SYNE1: variants seen among roughly 807,000 people sequenced by gnomAD.
SYNE1 encodes the protein spectrin repeat containing nuclear envelope protein 1, also known as nesprin-1.
Under a neutral mutation model 1,111.0 loss-of-function variants are expected in SYNE1, and 616 were observed. That is an observed-to-expected ratio of 0.55 (90% CI 0.52 to 0.59). SYNE1 has a LOEUF of 0.59. Ranked by LOEUF, SYNE1 falls within the 20% of genes least tolerant of loss-of-function variation. SYNE1 has a pLI of 0.00. For missense variants in SYNE1, 10,006 were observed against 10,417.0 expected (o/e 0.96, Z 1.72); for synonymous variants, 3,855 against 3,825.8 (o/e 1.01, Z -0.28).
At chr6:152,154,775 G>A (rs943364380) in intron 133 of SYNE1, 117 bp downstream of exon 133, 58 of 1,172,614 alleles carry the variant, frequency 4.9e-5, no homozygotes, top group African/African-American at 4.4e-4. Flanking sequence ...AAGTCCTCAC[G>A]CAGCAATTTG....
At chr6:152,168,307 C>A in intron 130 of SYNE1, 2 of 604,442 alleles carry the variant, frequency 3.3e-6, no homozygotes, top group Non-Finnish European at 5.9e-6. Context: ...TGAAAATGCT[C>A]ACTGTAGACA....
At chr6:152,563,444 G>GA (rs112181089) in intron 3 of SYNE1, among the ~76,000 whole-genome samples, 3 of 151,600 alleles carry the variant, frequency 2.0e-5, no homozygotes, top group Non-Finnish European at 2.9e-5. Flanking sequence ...CACTTTTGGT[G>GA]AAAAAAAAGA....
intron 9 of SYNE1, among the ~76,000 whole-genome samples, chr6:152,504,329 C>A (rs193267912): frequency 1.2e-3 from 188 of 152,222 alleles, no homozygotes; most frequent in African/African-American, 4.4e-3. Context: ...GGAAACCTAA[C>A]TGGGTCTCTG....
chr6:152,357,495 T>C (rs888725866), intron 66 of SYNE1, among the ~76,000 whole-genome samples: 9 of 152,202 alleles, frequency 5.9e-5, no homozygotes, highest in African/African-American at 9.7e-5. Flanking sequence ...AGTGGTCTCA[T>C]TGGCCTTCCT....
chr6:152,347,698 TA>T lies in SYNE1; in HGVS notation c.11902-464del, dbSNP rs1180159931. Among the ~76,000 whole-genome samples the T allele has an allele frequency of 4.0e-5, 6 of 151,066 alleles. 1 individual carries two copies. Among genetic ancestry groups the T allele is most frequent in the East Asian group, 3.9e-4 (2 of 5,172 alleles). ...TTTGTCATTCTTTTTTTTTTTTTTT[TA>T]AGACAGAGTGTCACTCTGCTGCCCA... On this transcript the variant is annotated intron_variant, in intron 72 of 145. Coordinates refer to ENST00000367255, the MANE Select transcript of SYNE1 (RefSeq NM_182961.4).
intron 16 of SYNE1, 56 bp from the exon 17 acceptor site, chr6:152,466,134 A>G (rs2098765635): frequency 5.1e-6 from 6 of 1,166,904 alleles, no homozygotes; most frequent in Non-Finnish European, 7.7e-6. Flanking sequence ...GTAGAATGCC[A>G]AAGTCAATTT....
At chr6:152,133,527 T>C in intron 142 of SYNE1, 39 bp from the exon 143 acceptor site, 6 of 1,598,872 alleles carry the variant, frequency 3.8e-6, no homozygotes, top group Non-Finnish European at 5.1e-6. Flanking sequence ...CTAAGCATTT[T>C]TGATAATTGG....
intron 142 of SYNE1, 142 bp from the exon 143 acceptor site, chr6:152,133,630 A>G (rs1320762147): frequency 3.7e-6 from 3 of 818,182 alleles, no homozygotes; most frequent in Non-Finnish European, 6.0e-6. Context: ...TAAAGGATGC[A>G]GCAGCTCACG....
At chr6:152,341,643 C>T (rs769392930) in intron 74 of SYNE1, among the ~76,000 whole-genome samples, 8 of 152,120 alleles carry the variant, frequency 5.3e-5, no homozygotes, top group Non-Finnish European at 1.0e-4. Context: ...ATCTTGGTAC[C>T]ATGCCCATTG....
At chr6:152,428,419 T>TG (rs752272295) in intron 36 of SYNE1, 27 bp from the exon 37 acceptor site, 1 of 1,612,112 alleles carries the variant, frequency 6.2e-7, no homozygotes, top group South Asian at 1.1e-5. Context: ...AAGAATGCAG[T>TG]GAAAGCACAG....
chr6:152,147,835 C>A, intron 137 of SYNE1: 1 of 575,372 alleles, frequency 1.7e-6, no homozygotes, highest in South Asian at 1.9e-5. Context: ...CGCTTGTCAC[C>A]TACTACCACA....
chr6:152,560,929 C>T (rs1406905495), intron 3 of SYNE1, among the ~76,000 whole-genome samples: 1 of 152,088 alleles, frequency 6.6e-6, no homozygotes, highest in African/African-American at 2.4e-5. Flanking sequence ...ACAATAAAGA[C>T]CACATAAGAA....
At chr6:152,245,332 T>A (rs1295462211) in intron 105 of SYNE1, among the ~76,000 whole-genome samples, 1 of 152,104 alleles carries the variant, frequency 6.6e-6, no homozygotes, top group East Asian at 1.9e-4. Flanking sequence ...TACTCGATAA[T>A]GCAACTCATC....
At chr6:152,472,996 G>T (rs2098815300) in intron 14 of SYNE1, among the ~76,000 whole-genome samples, 2 of 152,192 alleles carry the variant, frequency 1.3e-5, no homozygotes, top group Admixed American at 6.5e-5. Context: ...AAGATTAAAT[G>T]TGATGTTAAT....
chr6:152,476,875 A>G (rs35487012), intron 14 of SYNE1, among the ~76,000 whole-genome samples: 23 of 127,558 alleles, frequency 1.8e-4, no homozygotes, highest in Middle Eastern at 4.5e-3. Flanking sequence ...TCTAAAAAAA[A>G]AAAAAAGAAA....
At chr6:152,186,500 G>A (rs111259031) in intron 128 of SYNE1, among the ~76,000 whole-genome samples, 4,852 of 138,924 alleles carry the variant, frequency 0.035, 241 homozygotes, top group African/African-American at 0.11. Flanking sequence ...AGTCTGCGGT[G>A]AGCCGAGATC....
chr6:152,463,773 T>C (rs879775612), intron 18 of SYNE1, among the ~76,000 whole-genome samples: 1 of 152,214 alleles, frequency 6.6e-6, no homozygotes, highest in Non-Finnish European at 1.5e-5. Context: ...CCATTTTCTG[T>C]TATTTCTGTT....
chr6:152,636,479 C>G (rs1013535364), intron 2 of SYNE1, among the ~76,000 whole-genome samples, 159 bp downstream of exon 2: 1 of 152,154 alleles, frequency 6.6e-6, no homozygotes, highest in African/African-American at 2.4e-5. Flanking sequence ...CACACGTACA[C>G]ACATCACTGC....
chr6:152,242,519 C>G, intron 106 of SYNE1, 79 bp from the exon 107 acceptor site: 1 of 1,536,740 alleles, frequency 6.5e-7, no homozygotes, highest in Non-Finnish European at 8.9e-7. Context: ...TATGAACGCA[C>G]CAAGCCCGAG....
Sources: gnomAD v4.1 joint callset for allele counts (sites outside exome capture counted in the v4.1 genomes callset) on GRCh38, gnomAD v4.1.1 for gene constraint, MANE v1.5 for transcripts, NCBI Gene and HGNC (gene_info 2026-07-23, HGNC 2026-07-21) for gene names.